The following FHIT variants were observed in gnomAD, a reference collection of about 807,000 sequenced individuals.
The protein encoded by FHIT is bis(5'-adenosyl)-triphosphatase.
FHIT carries 19 observed loss-of-function variants against 17.9 expected under a neutral mutation model. The observed-to-expected ratio is 1.06, with a 90% confidence interval of 0.74 to 1.56. The LOEUF is 1.56. Among genes scored for constraint, FHIT ranks in the 40% most tolerant of loss-of-function variants. The pLI, the probability that FHIT is intolerant of heterozygous loss-of-function variation, is 0.00. For missense variants in FHIT, 248 were observed against 189.2 expected (o/e 1.31, Z -1.82); for synonymous variants, 81 against 69.7 (o/e 1.16, Z -0.81).
chr3:61,215,641 C>G (rs955421819), intron 1 of FHIT, among the ~76,000 whole-genome samples: 7 of 152,216 alleles, frequency 4.6e-5, no homozygotes, highest in African/African-American at 1.4e-4. Flanking sequence ...TTGGAATAAA[C>G]TACTTTAAAG....
At chr3:60,658,392 G>T (rs1553690210) in intron 4 of FHIT, among the ~76,000 whole-genome samples, 1 of 151,804 alleles carries the variant, frequency 6.6e-6, no homozygotes, top group Admixed American at 6.6e-5. Context: ...TTCTTGTGTG[G>T]TTAGTTTATT....
intron 4 of FHIT, among the ~76,000 whole-genome samples, chr3:60,699,717 T>C (rs1315402360): frequency 6.6e-6 from 1 of 150,908 alleles, no homozygotes; most frequent in Non-Finnish European, 1.5e-5. Flanking sequence ...AAAAGCATTA[T>C]CTTAAAGTAC....
intron 1 of FHIT, among the ~76,000 whole-genome samples, chr3:61,214,289 A>C (rs2039594687): frequency 6.6e-6 from 1 of 152,224 alleles, no homozygotes; most frequent in Non-Finnish European, 1.5e-5. Flanking sequence ...AAGAGAGAAG[A>C]ATCAAATAGA....
At chr3:60,630,680 C>T (rs1233786977) in intron 4 of FHIT, among the ~76,000 whole-genome samples, 1 of 152,140 alleles carries the variant, frequency 6.6e-6, no homozygotes, top group Non-Finnish European at 1.5e-5. Context: ...CCCATCCACT[C>T]AACACTTACA....
intron 5 of FHIT, among the ~76,000 whole-genome samples, chr3:60,387,917 G>A (rs1559874319): frequency 6.6e-6 from 1 of 152,120 alleles, no homozygotes; most frequent in South Asian, 2.1e-4. Context: ...TCTCAAAGGA[G>A]TGAGCCCTCC....
chr3:60,559,900 A>C (rs1298610246), intron 4 of FHIT, among the ~76,000 whole-genome samples: 1 of 152,080 alleles, frequency 6.6e-6, no homozygotes, highest in Non-Finnish European at 1.5e-5. Context: ...CATGGAAACC[A>C]CCTGTCTATT....
intron 5 of FHIT, among the ~76,000 whole-genome samples, chr3:60,337,692 G>GT (rs1710310806): frequency 6.6e-6 from 1 of 152,164 alleles, no homozygotes; most frequent in Non-Finnish European, 1.5e-5. Context: ...GATAAACTGA[G>GT]TTATGATCCT....
intron 4 of FHIT, among the ~76,000 whole-genome samples, chr3:60,798,942 T>G (rs1180987030): frequency 6.6e-6 from 1 of 151,542 alleles, no homozygotes; most frequent in Non-Finnish European, 1.5e-5. Context: ...ATTTTTAGTA[T>G]AGATGGGATT....
At chr3:59,981,485 T>G (rs1447429670) in intron 7 of FHIT, among the ~76,000 whole-genome samples, 1 of 152,108 alleles carries the variant, frequency 6.6e-6, no homozygotes, top group Non-Finnish European at 1.5e-5. Context: ...GCTGCAAAAA[T>G]GTAGGCCATC....
chr3:59,795,255 G>A (rs1033856084), intron 8 of FHIT, among the ~76,000 whole-genome samples: 3 of 152,000 alleles, frequency 2.0e-5, no homozygotes, highest in Non-Finnish European at 2.9e-5. Flanking sequence ...CCATTGGTGG[G>A]TGCCTGTAGT....
intron 5 of FHIT, among the ~76,000 whole-genome samples, chr3:60,060,064 A>G (rs1702238803): frequency 1.3e-5 from 2 of 152,138 alleles, no homozygotes; most frequent in South Asian, 2.1e-4. Context: ...TAGTCATCCA[A>G]TTTCTTCATA....
intron 7 of FHIT, among the ~76,000 whole-genome samples, chr3:59,969,939 T>C (rs1005205978): frequency 6.6e-6 from 1 of 152,086 alleles, no homozygotes; most frequent in African/African-American, 2.4e-5. Flanking sequence ...AATAAAACCA[T>C]TTCCAAAGAA....
chr3:60,376,744 T>C (rs918522721), intron 5 of FHIT, among the ~76,000 whole-genome samples: 3 of 152,190 alleles, frequency 2.0e-5, no homozygotes, highest in African/African-American at 4.8e-5. Context: ...ACGTATTACC[T>C]TTTCCAGGGA....
intron 4 of FHIT, among the ~76,000 whole-genome samples, chr3:60,542,636 G>A (rs1327806587): frequency 6.6e-6 from 1 of 151,660 alleles, no homozygotes; most frequent in Non-Finnish European, 1.5e-5. Context: ...TTCTAATTTT[G>A]TAGAGTCCCT....
Position 60,391,721 on chromosome 3 carries a change from G to C in FHIT, c.103+145139C>G, listed in dbSNP as rs535342924. 2.0e-5 allele frequency among the ~76,000 whole-genome samples: 3 copies of C among 152,266 alleles called. No homozygotes were observed. The East Asian group carries it at 5.8e-4, about 29-fold the overall frequency. On this transcript the variant is annotated intron_variant, in intron 5 of 9. Coordinates refer to ENST00000492590, the MANE Select transcript of FHIT (RefSeq NM_002012.4). ...GTAGGTTACACCCATCTAGATTTGT[G>C]TAAGTAACTATGATGTTCATACAAT...
intron 5 of FHIT, among the ~76,000 whole-genome samples, chr3:60,036,293 CA>C (rs1289684846): frequency 6.6e-6 from 1 of 152,194 alleles, no homozygotes; most frequent in Non-Finnish European, 1.5e-5. Flanking sequence ...AAGAAAACCA[CA>C]GTCCTTCCTG....
intron 8 of FHIT, among the ~76,000 whole-genome samples, chr3:59,897,510 C>T (rs1239430522): frequency 1.3e-5 from 2 of 152,208 alleles, no homozygotes; most frequent in Non-Finnish European, 2.9e-5. Flanking sequence ...AGGGGACAGA[C>T]TCTGCCTGAC....
intron 3 of FHIT, among the ~76,000 whole-genome samples, chr3:60,900,017 A>T (rs1001328417): frequency 1.3e-5 from 2 of 152,188 alleles, no homozygotes; most frequent in African/African-American, 4.8e-5. Context: ...TGCCTAGCTA[A>T]GAATCTGCTC....
intron 2 of FHIT, among the ~76,000 whole-genome samples, chr3:61,154,586 C>G (rs929456646): frequency 1.3e-5 from 2 of 152,126 alleles, no homozygotes; most frequent in Non-Finnish European, 2.9e-5. Context: ...ATGATTTATT[C>G]CACCCCCTCT....
Sources: allele counts gnomAD v4.1 joint callset (sites outside exome capture counted in the v4.1 genomes callset), GRCh38; gene constraint gnomAD v4.1.1; transcripts MANE v1.5; gene names NCBI Gene and HGNC (gene_info 2026-07-23, HGNC 2026-07-21).